Variants in PDE4B observed in about 807,000 individuals in gnomAD.
The protein encoded by PDE4B is 3',5'-cyclic-AMP phosphodiesterase 4B.
In PDE4B, 20 loss-of-function variants were observed where a neutral mutation model predicts 82.2. That is an observed-to-expected ratio of 0.24 (90% confidence interval 0.17 to 0.35). The LOEUF is 0.35. Among genes scored for constraint, PDE4B ranks in the 10% least tolerant of loss-of-function variants. PDE4B has a pLI of 1.00. For synonymous variants in PDE4B, 320 were observed against 318.9 expected (o/e 1.00, Z -0.04); for missense variants, 655 against 907.2 (o/e 0.72, Z 3.57).
At chr1:65,807,771 G>T (rs920633252) in intron 1 of PDE4B, among the ~76,000 whole-genome samples, 1 of 152,204 alleles carries the variant, frequency 6.6e-6, no homozygotes, top group African/African-American at 2.4e-5. Flanking sequence ...TGTCCTCTGA[G>T]AGAGAAAGCA....
chr1:66,332,118 C>A, intron 7 of PDE4B: 2 of 1,258,526 alleles, frequency 1.6e-6, no homozygotes, highest in East Asian at 3.4e-5. Flanking sequence ...ATCACATACC[C>A]TAAAGAACCC....
chr1:66,303,088 T>G (rs1658015406), intron 7 of PDE4B, among the ~76,000 whole-genome samples: 1 of 152,134 alleles, frequency 6.6e-6, no homozygotes, highest in Admixed American at 6.6e-5. Flanking sequence ...GAATACTTAT[T>G]CACGAGTCAT....
chr1:66,006,798 C>T (rs1463272217), intron 3 of PDE4B, among the ~76,000 whole-genome samples: 2 of 152,026 alleles, frequency 1.3e-5, no homozygotes, highest in Non-Finnish European at 1.5e-5. Flanking sequence ...TGAAGAAGGA[C>T]GTGTTTGCTT....
chr1:66,243,884 C>T (rs1299837931), intron 3 of PDE4B, among the ~76,000 whole-genome samples: 1 of 152,196 alleles, frequency 6.6e-6, no homozygotes, highest in Non-Finnish European at 1.5e-5. Flanking sequence ...CAGGGCTTGG[C>T]AGGGTCTTTG....
At chr1:66,190,143 A>G (rs1239355988) in intron 3 of PDE4B, among the ~76,000 whole-genome samples, 1 of 152,184 alleles carries the variant, frequency 6.6e-6, no homozygotes, top group Non-Finnish European at 1.5e-5. Flanking sequence ...AGGCTGCAGA[A>G]CAGCTGATAT....
Position 66,303,046 on chromosome 1 carries a change from T to C in PDE4B, c.635-29462T>C, listed in dbSNP as rs749289564. On this transcript the variant is annotated intron_variant, in intron 7 of 16. Coordinates refer to ENST00000341517, the MANE Select transcript of PDE4B (RefSeq NM_002600.4). The stretch of plus-strand genomic sequence containing the variant: ...TTCATACCACTCTAATTCAATTGCC[T>C]GTGTTGGAATATAGCTCCATTTAGG... Among the ~76,000 whole-genome samples, 17 of 152,288 alleles carry C rather than the reference T, an allele frequency of 1.1e-4. No individual in the cohort carries two copies. The East Asian group carries it at 3.1e-3, about 28-fold the overall frequency.
intron 1 of PDE4B, among the ~76,000 whole-genome samples, chr1:65,861,410 T>C (rs527463348): frequency 6.6e-6 from 1 of 152,354 alleles, no homozygotes; most frequent in African/African-American, 2.4e-5. Context: ...GGTCTTTATA[T>C]CTGTTTTGGT....
chr1:66,050,451 T>C (rs1342958496), intron 3 of PDE4B: 3 of 152,096 alleles, frequency 2.0e-5, no homozygotes, highest in African/African-American at 7.2e-5. Context: ...ACAGTGTTGA[T>C]TTCTCCATAT....
intron 3 of PDE4B, among the ~76,000 whole-genome samples, chr1:66,107,958 CATTT>C (rs1645403872): frequency 6.6e-6 from 1 of 151,896 alleles, no homozygotes; most frequent in South Asian, 2.1e-4. Context: ...AAAAGATACA[CATTT>C]ATTTTTTTAA....
At chr1:65,850,965 A>AT (rs1646325636) in intron 1 of PDE4B, among the ~76,000 whole-genome samples, 1 of 152,102 alleles carries the variant, frequency 6.6e-6, no homozygotes, top group Admixed American at 6.6e-5. Flanking sequence ...TTTCAGATTA[A>AT]TTTTTTGTAT....
At chr1:65,853,671 A>G (rs567390733) in intron 1 of PDE4B, among the ~76,000 whole-genome samples, 2 of 152,130 alleles carry the variant, frequency 1.3e-5, no homozygotes, top group East Asian at 3.9e-4. Context: ...CTGGGACTAC[A>G]GGCATGCACC....
At chr1:66,169,352 G>A (rs1646795909) in intron 3 of PDE4B, among the ~76,000 whole-genome samples, 1 of 152,212 alleles carries the variant, frequency 6.6e-6, no homozygotes, top group Non-Finnish European at 1.5e-5. Context: ...ACACCAGCAT[G>A]CTTAGAGCAG....
chr1:66,122,631 C>T (rs1227398448), intron 3 of PDE4B, among the ~76,000 whole-genome samples: 19 of 151,066 alleles, frequency 1.3e-4, no homozygotes, highest in Non-Finnish European at 1.5e-5. Context: ...GATAGAGGAA[C>T]ATGACATATT....
At chr1:65,872,827 A>T (rs1025157960) in intron 1 of PDE4B, among the ~76,000 whole-genome samples, 1 of 152,072 alleles carries the variant, frequency 6.6e-6, no homozygotes, top group African/African-American at 2.4e-5. Flanking sequence ...ATATCATCTC[A>T]TGTGATATTC....
At chr1:65,823,366 A>T (rs1645977121) in intron 1 of PDE4B, among the ~76,000 whole-genome samples, 1 of 148,462 alleles carries the variant, frequency 6.7e-6, no homozygotes, top group Non-Finnish European at 1.5e-5. Flanking sequence ...ATTGTACTAC[A>T]GCCTGGCCGA....
In PDE4B at chr1:66,363,169, A is replaced by C. The variant is rs141692815; in HGVS notation, c.1022A>C (p.Glu341Ala). 2 of 1,598,738 alleles carry C rather than the reference A, an allele frequency of 1.3e-6. No individual in the cohort carries two copies. Among genetic ancestry groups the C allele is most frequent in the Admixed American group, 1.7e-5 (1 of 59,200 alleles). The change falls in exon 11 of 17, where the codon GAG becomes GCG. Residue 341 changes from glutamate to alanine, a missense_variant and splice_region_variant. Around this residue, in one of 3 missense-constraint regions of PDE4B, gnomAD observed 283 missense variants for 516.4 expected, o/e 0.55. Transcript: ENST00000341517. ...NTENEDHLAK[E>A]LEDLNKWGLN... is the part of the protein sequence containing the mutation. ...ATTCCTTTAAATTTTTAATTATAGG[A>C]GCTGGAAGACCTGAACAAATGGGGT...
intron 1 of PDE4B, among the ~76,000 whole-genome samples, chr1:65,825,705 C>CCTGTCTGTCTGTCTGTCTGTCTATCTAT (rs752252352): frequency 2.8e-5 from 3 of 107,448 alleles, no homozygotes; most frequent in African/African-American, 9.7e-5. Context: ...AACAAAATTA[C>CCTGTCTGTCTGTCTGTCTGTCTATCTAT]CTATCTATCT....
intron 3 of PDE4B, among the ~76,000 whole-genome samples, chr1:66,216,411 G>A (rs1385636034): frequency 6.6e-6 from 1 of 152,062 alleles, no homozygotes; most frequent in Non-Finnish European, 1.5e-5. Context: ...ATCCCCAACA[G>A]AGTTGAGATT....
intron 8 of PDE4B, chr1:66,355,239 A>G: frequency 2.7e-6 from 1 of 367,752 alleles, no homozygotes. Flanking sequence ...AAGTAGGTAC[A>G]GTTTCAAGTG....
Sources: gnomAD v4.1 joint callset for allele counts (sites outside exome capture counted in the v4.1 genomes callset) on GRCh38, gnomAD v4.1.1 for gene constraint, gnomAD v4.1.1 regional missense constraint, MANE v1.5 for transcripts, NCBI Gene and HGNC (gene_info 2026-07-23, HGNC 2026-07-21) for gene names.